The following TBL1Y variants were observed in gnomAD, a reference collection of about 807,000 sequenced individuals.
The protein encoded by TBL1Y is F-box-like/WD repeat-containing protein TBL1Y.
A neutral mutation model predicts 12.0 loss-of-function variants in TBL1Y; 15 were observed. The ratio of observed to expected loss-of-function variants is 1.25; its 90% CI spans 0.83 to 1.92. The LOEUF is 1.92. Ranked by LOEUF, TBL1Y falls within the 40% of genes most tolerant of loss-of-function variation. The pLI is 0.00. For missense variants in TBL1Y, 148 were observed against 116.7 expected (o/e 1.27, Z -1.24); for synonymous variants, 53 against 42.6 (o/e 1.24, Z -0.95).
intron 3 of TBL1Y, among the ~76,000 whole-genome samples, chrY:6,980,321 A>T: frequency 5.9e-5 from 2 of 33,617 alleles, no homozygotes; most frequent in African/African-American, 2.3e-4. Flanking sequence ...GTATTTATGG[A>T]ATGAATAAAA....
chrY:6,968,440 GA>G (rs2012185458), intron 2 of TBL1Y, among the ~76,000 whole-genome samples: 1 of 33,830 alleles, frequency 3.0e-5, no homozygotes, highest in Non-Finnish European at 7.3e-5. Flanking sequence ...TCAAAAGGTT[GA>G]ATTTCATGGT....
chrY:6,967,735 C>G (rs2012179658), intron 2 of TBL1Y, among the ~76,000 whole-genome samples: 1 of 33,372 alleles, frequency 3.0e-5, no homozygotes, highest in African/African-American at 1.2e-4. Flanking sequence ...TTTTGTTGCC[C>G]AGGCTGGAGT....
At chrY:6,927,886 G>GT (rs2011837494) in intron 2 of TBL1Y, among the ~76,000 whole-genome samples, 3 of 32,149 alleles carry the variant, frequency 9.3e-5, no homozygotes, top group Non-Finnish European at 2.3e-4. Flanking sequence ...TCACATTAGA[G>GT]TTTTTTTTTG....
intron 7 of TBL1Y, among the ~76,000 whole-genome samples, chrY:7,063,359 G>GTGACCCCTCC (rs2012904884): frequency 3.0e-5 from 1 of 33,810 alleles, no homozygotes; most frequent in African/African-American, 1.2e-4. Context: ...CCTGACGCAC[G>GTGACCCCTCC]TGACCCCTCC....
intron 7 of TBL1Y, among the ~76,000 whole-genome samples, chrY:7,055,977 T>G: frequency 3.0e-5 from 1 of 33,370 alleles, no homozygotes; most frequent in Non-Finnish European, 7.4e-5. Context: ...TCGGGGAGTA[T>G]AAAAACGTCT....
chrY:6,911,466 G>A, intron 1 of TBL1Y, among the ~76,000 whole-genome samples: 1 of 34,473 alleles, frequency 2.9e-5, no homozygotes, highest in African/African-American at 1.1e-4. Context: ...AAGCGCAGTC[G>A]CGCAGAGCGG....
chrY:7,061,850 C>T, intron 7 of TBL1Y, among the ~76,000 whole-genome samples: 1 of 29,669 alleles, frequency 3.4e-5, no homozygotes, highest in Non-Finnish European at 8.0e-5. Context: ...CCAATGCCTG[C>T]CCCCCCACCC....
chrY:7,073,913 C>T, intron 12 of TBL1Y, among the ~76,000 whole-genome samples: 1 of 33,634 alleles, frequency 3.0e-5, no homozygotes, highest in African/African-American at 1.2e-4. Flanking sequence ...CAGACCTGTA[C>T]ATTGATGCCC....
At chrY:7,057,502 TGC>T (rs2124169394) in intron 7 of TBL1Y, among the ~76,000 whole-genome samples, 1 of 33,263 alleles carries the variant, frequency 3.0e-5, no homozygotes, top group East Asian at 8.1e-4. Context: ...TATGAGCCTC[TGC>T]ACCAACCCAT....
chrY:7,081,109 T>C (rs919287301), intron 14 of TBL1Y, among the ~76,000 whole-genome samples: 4 of 33,083 alleles, frequency 1.2e-4, no homozygotes, highest in Non-Finnish European at 3.0e-4. Flanking sequence ...GAGAAAAACA[T>C]AGGGCACATA....
chrY:7,010,863 C>T, intron 4 of TBL1Y, among the ~76,000 whole-genome samples: 3 of 31,787 alleles, frequency 9.4e-5, no homozygotes, highest in African/African-American at 2.5e-4. Context: ...TGAGCCCAGA[C>T]GGTTGCAGTG....
intron 6 of TBL1Y, among the ~76,000 whole-genome samples, chrY:7,026,766 G>A: frequency 5.9e-5 from 2 of 33,884 alleles, no homozygotes. Flanking sequence ...GAGAGCTAGA[G>A]CACAATAACG....
At chrY:7,081,333 A>T (rs1603051244) in intron 14 of TBL1Y, among the ~76,000 whole-genome samples, 1 of 33,439 alleles carries the variant, frequency 3.0e-5, no homozygotes, top group East Asian at 8.2e-4. Context: ...TCTGCAAAAC[A>T]AATTTTAAAA....
chrY:6,990,770 G>C (rs2012358749), intron 3 of TBL1Y, among the ~76,000 whole-genome samples: 1 of 30,806 alleles, frequency 3.2e-5, no homozygotes, highest in Non-Finnish European at 7.8e-5. Context: ...TGTTAGACAG[G>C]ATGGTCTTGA....
intron 2 of TBL1Y, among the ~76,000 whole-genome samples, chrY:6,965,802 T>A: frequency 3.0e-5 from 1 of 33,392 alleles, no homozygotes; most frequent in Admixed American, 2.7e-4. Context: ...TCCTCAATTC[T>A]TTCTTCTCTC....
At chrY:7,051,004 G>T (rs2012794794) in intron 7 of TBL1Y, among the ~76,000 whole-genome samples, 1 of 32,344 alleles carries the variant, frequency 3.1e-5, no homozygotes, top group Non-Finnish European at 7.5e-5. Flanking sequence ...GTGTTACCTA[G>T]GCTTTTAAAA....
intron 7 of TBL1Y, among the ~76,000 whole-genome samples, chrY:7,060,136 T>C: frequency 1.2e-4 from 4 of 33,667 alleles, no homozygotes; most frequent in African/African-American, 4.6e-4. Context: ...GCTTAAACTG[T>C]TAAAACAAAA....
intron 8 of TBL1Y, among the ~76,000 whole-genome samples, chrY:7,066,240 T>C: frequency 2.9e-5 from 1 of 34,306 alleles, no homozygotes; most frequent in African/African-American, 1.1e-4. Context: ...ATTGGCAGAG[T>C]GCCCTTGTAT....
intron 4 of TBL1Y, among the ~76,000 whole-genome samples, chrY:6,999,031 C>G: frequency 6.0e-5 from 2 of 33,330 alleles, no homozygotes; most frequent in Non-Finnish European, 1.5e-4. Flanking sequence ...GTTCATTGGG[C>G]AGATGTTTAT....
Sources: allele counts gnomAD v4.1 joint callset (sites outside exome capture counted in the v4.1 genomes callset), GRCh38; gene constraint gnomAD v4.1.1; transcripts MANE v1.5; gene names NCBI Gene and HGNC (gene_info 2026-07-23, HGNC 2026-07-21).